CDH12: variants seen among roughly 807,000 people sequenced by gnomAD.
CDH12 encodes the protein cadherin-12.
In CDH12, 41 loss-of-function variants were observed where a neutral mutation model predicts 74.1. The observed-to-expected ratio is 0.55, with a 90% CI of 0.43 to 0.72. CDH12 has a LOEUF of 0.72. Ranked by LOEUF, CDH12 falls within the 30% of genes least tolerant of loss-of-function variation. The pLI is 0.00. For synonymous variants in CDH12, 399 were observed against 355.0 expected, an observed-to-expected ratio of 1.12 and a Z score of -1.39; for missense variants, 945 against 977.2, an observed-to-expected ratio of 0.97 and a Z score of 0.44.
intron 1 of CDH12, among the ~76,000 whole-genome samples, chr5:22,724,808 C>T (rs565541719): frequency 6.6e-6 from 1 of 151,806 alleles, no homozygotes; most frequent in East Asian, 1.9e-4. Flanking sequence ...CACTTTCTTG[C>T]TATCATCATT....
chr5:22,424,814 TATTG>T (rs1392074126), intron 2 of CDH12, among the ~76,000 whole-genome samples: 1 of 152,088 alleles, frequency 6.6e-6, no homozygotes, highest in African/African-American at 2.4e-5. Context: ...GGAATATCTA[TATTG>T]ATTGATTTGC....
At chr5:22,067,694 T>C (rs1741665723) in intron 5 of CDH12, among the ~76,000 whole-genome samples, 4 of 152,124 alleles carry the variant, frequency 2.6e-5, no homozygotes, top group South Asian at 4.2e-4. Flanking sequence ...GCCCTTAGGA[T>C]TTGGGGACAA....
At chr5:22,848,698 A>T (rs1429807799) in intron 1 of CDH12, among the ~76,000 whole-genome samples, 1 of 152,098 alleles carries the variant, frequency 6.6e-6, no homozygotes, top group East Asian at 1.9e-4. Context: ...TTTCAAAGAG[A>T]ATTTCTTCAG....
At chr5:22,342,525 T>TTCCTTCCC (rs1030204868) in intron 3 of CDH12, among the ~76,000 whole-genome samples, 1 of 149,284 alleles carries the variant, frequency 6.7e-6, no homozygotes, top group African/African-American at 2.5e-5. Context: ...CCTTCCTCCC[T>TTCCTTCCC]TCCTTCCCTC....
At chr5:22,674,515 C>G (rs553832198) in intron 1 of CDH12, among the ~76,000 whole-genome samples, 19 of 152,228 alleles carry the variant, frequency 1.2e-4, no homozygotes, top group Non-Finnish European at 2.4e-4. Flanking sequence ...ATATAGTATA[C>G]TGGCACCAGG....
chr5:21,922,225 AC>A (rs915900812), intron 6 of CDH12, among the ~76,000 whole-genome samples: 57 of 152,278 alleles, frequency 3.7e-4, no homozygotes, highest in African/African-American at 1.3e-3. Flanking sequence ...CTCTCTTTAT[AC>A]ACAGGAACAT....
At chr5:22,028,868 A>G (rs935682199) in intron 5 of CDH12, among the ~76,000 whole-genome samples, 1 of 152,218 alleles carries the variant, frequency 6.6e-6, no homozygotes, top group Non-Finnish European at 1.5e-5. Flanking sequence ...ACTATACTAC[A>G]AGGCTACAGT....
intron 10 of CDH12, among the ~76,000 whole-genome samples, chr5:21,784,253 A>G (rs1561181935): frequency 6.6e-6 from 1 of 152,166 alleles, no homozygotes. Context: ...AAGTAACAGT[A>G]GATATATGGA....
At chr5:22,780,459 C>T (rs1747331150) in intron 1 of CDH12, among the ~76,000 whole-genome samples, 1 of 152,158 alleles carries the variant, frequency 6.6e-6, no homozygotes, top group Non-Finnish European at 1.5e-5. Context: ...AGGAAACTTA[C>T]AATCATGGTG....
intron 2 of CDH12, among the ~76,000 whole-genome samples, chr5:22,467,166 C>T (rs952033927): frequency 3.3e-5 from 5 of 152,060 alleles, no homozygotes; most frequent in African/African-American, 1.2e-4. Flanking sequence ...TCCAGGCTGC[C>T]CCTAAGCCTC....
chr5:21,777,318 T>C (rs1554029361), intron 11 of CDH12, among the ~76,000 whole-genome samples: 2 of 152,158 alleles, frequency 1.3e-5, no homozygotes, highest in Non-Finnish European at 1.5e-5. Context: ...TATTTTTCTA[T>C]TCTGAGTCTC....
chr5:22,126,064 C>T (rs1461701391), intron 4 of CDH12, among the ~76,000 whole-genome samples: 1 of 149,218 alleles, frequency 6.7e-6, no homozygotes, highest in Non-Finnish European at 1.5e-5. Context: ...TTCACATTAA[C>T]TTTTTGTGTA....
intron 14 of CDH12, among the ~76,000 whole-genome samples, chr5:21,754,654 C>T (rs909115773): frequency 6.6e-6 from 1 of 152,098 alleles, no homozygotes; most frequent in African/African-American, 2.4e-5. Context: ...TGCCTTTCAT[C>T]TCACTAATTA....
intron 1 of CDH12, among the ~76,000 whole-genome samples, chr5:22,685,494 C>T (rs1427438964): frequency 1.3e-5 from 2 of 152,182 alleles, no homozygotes; most frequent in Admixed American, 1.3e-4. Context: ...CCTTGGCCTC[C>T]CAAAGTGCTG....
At chr5:21,897,524 A>G (rs962253127) in intron 6 of CDH12, among the ~76,000 whole-genome samples, 1 of 152,196 alleles carries the variant, frequency 6.6e-6, no homozygotes, top group Non-Finnish European at 1.5e-5. Flanking sequence ...TATTCTTCAG[A>G]GTTTCTGAGT....
At chr5:22,332,081 G>A (rs1739374226) in intron 3 of CDH12, among the ~76,000 whole-genome samples, 1 of 152,074 alleles carries the variant, frequency 6.6e-6, no homozygotes, top group African/African-American at 2.4e-5. Flanking sequence ...AAAAGACAGG[G>A]TTAGAAAGTT....
At chr5:22,114,400 G>A (rs545728538) in intron 4 of CDH12, among the ~76,000 whole-genome samples, 2 of 149,924 alleles carry the variant, frequency 1.3e-5, no homozygotes, top group South Asian at 4.2e-4. Flanking sequence ...TCTTGCCCTT[G>A]ATGATTCCTT....
intron 3 of CDH12, among the ~76,000 whole-genome samples, chr5:22,256,534 G>C (rs1753325122): frequency 6.6e-6 from 1 of 152,084 alleles, no homozygotes; most frequent in African/African-American, 2.4e-5. Context: ...TATTATTTTA[G>C]AGTGTACTCC....
chr5:21,859,247 G>T (rs938260203), intron 6 of CDH12, among the ~76,000 whole-genome samples: 8 of 151,896 alleles, frequency 5.3e-5, no homozygotes, highest in Admixed American at 2.0e-4. Flanking sequence ...GAGTATGGCT[G>T]GGAAGCCCTC....
Sources: allele counts gnomAD v4.1 joint callset (sites outside exome capture counted in the v4.1 genomes callset), GRCh38; gene constraint gnomAD v4.1.1; transcripts MANE v1.5; gene names NCBI Gene and HGNC (gene_info 2026-07-23, HGNC 2026-07-21).